The following BAZ2B variants were observed in gnomAD, a reference collection of about 807,000 sequenced individuals.
BAZ2B encodes the protein bromodomain adjacent to zinc finger domain 2B.
In BAZ2B, 91 loss-of-function variants were observed where a neutral mutation model predicts 246.0. The observed-to-expected ratio is 0.37, with a 90% CI of 0.31 to 0.44. The LOEUF (loss-of-function observed/expected upper bound fraction) is 0.44. BAZ2B is among the 20% of genes least tolerant of loss of function. The probability of loss-of-function intolerance (pLI) is 1.00; values close to 1 mark genes in which losing one functional copy is unlikely to be tolerated. For missense variants in BAZ2B, 2,332 were observed against 2,533.7 expected (o/e 0.92, Z 1.71); for synonymous variants, 855 against 860.0 (o/e 0.99, Z 0.10).
intron 34 of BAZ2B, among the ~76,000 whole-genome samples, chr2:159,329,654 G>T (rs1460957811): frequency 6.6e-6 from 1 of 152,118 alleles, no homozygotes; most frequent in Non-Finnish European, 1.5e-5. Context: ...GAATTAAATT[G>T]AAAGATACTT....
chr2:159,453,803 TGGGAGGG>T lies in BAZ2B; in HGVS notation c.146-9_146-3del. 1 of 1,575,754 alleles carries T rather than the reference TGGGAGGG, an allele frequency of 6.3e-7. No individual in the cohort carries two copies. The highest frequency in any genetic ancestry group is 8.6e-7 in the Non-Finnish European group (1 of 1,159,566). On this transcript the variant is annotated splice_polypyrimidine_tract_variant and splice_region_variant and intron_variant, in intron 3 of 36. Coordinates refer to ENST00000392783, the MANE Select transcript of BAZ2B (RefSeq NM_013450.4). ...CCCCAGCTGTTCTGAATAAATGTCC[TGGGAGGG>T]AAAAAAACACACTTAAAGTTGTACT...
chr2:159,443,415 C>T (rs1266410022), intron 6 of BAZ2B, among the ~76,000 whole-genome samples: 3 of 152,028 alleles, frequency 2.0e-5, no homozygotes, highest in South Asian at 2.1e-4. Context: ...ATAAGTACCC[C>T]ACCTCCCATG....
chr2:159,544,908 T>C (rs1398636950), intron 2 of BAZ2B, among the ~76,000 whole-genome samples: 1 of 152,234 alleles, frequency 6.6e-6, no homozygotes, highest in African/African-American at 2.4e-5. Flanking sequence ...TACATTTAAA[T>C]GGCTTTGAAA....
At chr2:159,589,311 T>G (rs1330990827) in intron 1 of BAZ2B, among the ~76,000 whole-genome samples, 1 of 152,016 alleles carries the variant, frequency 6.6e-6, no homozygotes, top group Admixed American at 6.6e-5. Context: ...ATTTATAAAT[T>G]ATACCATTCT....
chr2:159,603,068 C>T (rs1384598349), intron 1 of BAZ2B, among the ~76,000 whole-genome samples: 3 of 152,078 alleles, frequency 2.0e-5, no homozygotes, highest in African/African-American at 4.8e-5. Context: ...AACCAGCAGG[C>T]GGAGGTTGCA....
intron 2 of BAZ2B, among the ~76,000 whole-genome samples, chr2:159,548,310 A>C (rs1397416119): frequency 6.6e-6 from 1 of 152,230 alleles, no homozygotes; most frequent in South Asian, 2.1e-4. Flanking sequence ...TATTTTACTA[A>C]AGATATTTTA....
At chr2:159,572,676 A>G (rs866888944) in intron 1 of BAZ2B, among the ~76,000 whole-genome samples, 20 of 152,298 alleles carry the variant, frequency 1.3e-4, no homozygotes, top group African/African-American at 4.6e-4. Flanking sequence ...CTTGCAATTC[A>G]TTTGTATTGA....
chr2:159,378,484 C>T (rs1237532148), intron 25 of BAZ2B, among the ~76,000 whole-genome samples: 3 of 152,084 alleles, frequency 2.0e-5, no homozygotes, highest in Non-Finnish European at 4.4e-5. Context: ...AGTGCTTCTT[C>T]ATGGCAAAGG....
the BAZ2B span, among the ~76,000 whole-genome samples, chr2:159,710,385 C>G: frequency 6.6e-6 from 1 of 151,768 alleles, no homozygotes; most frequent in Non-Finnish European, 1.5e-5. Flanking sequence ...ATTTTTTGTA[C>G]TTTTAGTAGA....
chr2:159,564,024 T>C (rs969717969), intron 1 of BAZ2B, among the ~76,000 whole-genome samples: 4 of 152,240 alleles, frequency 2.6e-5, no homozygotes, highest in South Asian at 2.1e-4. Flanking sequence ...CTCCGCTTCA[T>C]AGAATTTACA....
chr2:159,581,322 T>A (rs1364770738), intron 1 of BAZ2B, among the ~76,000 whole-genome samples: 1 of 151,934 alleles, frequency 6.6e-6, no homozygotes. Context: ...CATGAAAAAA[T>A]GCTCATCATC....
chr2:159,387,833 T>G (rs1405376883), intron 21 of BAZ2B, among the ~76,000 whole-genome samples: 4 of 152,134 alleles, frequency 2.6e-5, no homozygotes, highest in Non-Finnish European at 5.9e-5. Flanking sequence ...ATGAGCTTAT[T>G]AAATGTGTTA....
chr2:159,634,125 C>T, the BAZ2B span, among the ~76,000 whole-genome samples: 3 of 152,164 alleles, frequency 2.0e-5, no homozygotes, highest in Non-Finnish European at 4.4e-5. Flanking sequence ...TTTAATAAGA[C>T]AACCAAGATC....
At chr2:159,395,904 CA>C in intron 19 of BAZ2B, 70 bp from the exon 20 acceptor site, 1 of 1,327,202 alleles carries the variant, frequency 7.5e-7, no homozygotes, top group Non-Finnish European at 1.0e-6. Context: ...AATGAAAAAA[CA>C]AAAACAAAAA....
chr2:159,706,981 T>TA, the BAZ2B span, among the ~76,000 whole-genome samples: 2 of 152,222 alleles, frequency 1.3e-5, no homozygotes, highest in African/African-American at 4.8e-5. Flanking sequence ...ACTCTGGTCT[T>TA]AGTTTCCAGC....
chr2:159,403,353 C>T (rs2065396029), intron 16 of BAZ2B, among the ~76,000 whole-genome samples: 1 of 152,018 alleles, frequency 6.6e-6, no homozygotes, highest in Non-Finnish European at 1.5e-5. Flanking sequence ...CTTTGGAGCT[C>T]AATGCTTTTT....
chr2:159,509,110 A>G (rs560644831), intron 2 of BAZ2B, among the ~76,000 whole-genome samples: 1 of 152,246 alleles, frequency 6.6e-6, no homozygotes, highest in Non-Finnish European at 1.5e-5. Context: ...TGCTGAATGA[A>G]ATCATTATAG....
At position 159,492,785 on chromosome 2, in the gene BAZ2B, TTG is replaced by T. The variant is rs2080645771; in HGVS notation, c.-2-14066_-2-14065del. On this transcript the variant is annotated intron_variant, in intron 2 of 36. Coordinates refer to ENST00000392783, the MANE Select transcript of BAZ2B (RefSeq NM_013450.4). ...AAAGAAAATAATTGATTAAAAATAA[TTG>T]TATTTCATACTTCAATGACAGAAGT... 2.6e-5 allele frequency among the ~76,000 whole-genome samples: 4 copies of T among 152,336 alleles called. No individual in the cohort carries two copies. In the South Asian group the frequency reaches 8.3e-4, roughly 32 times the overall value.
intron 2 of BAZ2B, among the ~76,000 whole-genome samples, chr2:159,507,843 C>T (rs1444865704): frequency 1.3e-5 from 2 of 151,906 alleles, no homozygotes; most frequent in Non-Finnish European, 2.9e-5. Context: ...GAGGTAGAGA[C>T]GTTTTGAAAT....
Sources: gnomAD v4.1 joint callset for allele counts (sites outside exome capture counted in the v4.1 genomes callset) on GRCh38, gnomAD v4.1.1 for gene constraint, MANE v1.5 for transcripts, NCBI Gene and HGNC (gene_info 2026-07-23, HGNC 2026-07-21) for gene names.